GATAD2B: variants seen among roughly 807,000 people sequenced by gnomAD.
GATAD2B encodes transcriptional repressor p66-beta.
Under a neutral mutation model 64.3 loss-of-function variants are expected in GATAD2B, and 8 were observed. The observed-to-expected ratio is 0.12, with a 90% CI of 0.07 to 0.22. GATAD2B has a LOEUF of 0.22. Among genes scored for constraint, GATAD2B ranks in the 10% least tolerant of loss-of-function variants. The pLI, the probability that GATAD2B is intolerant of heterozygous loss-of-function variation, is 1.00. For synonymous variants in GATAD2B, 281 were observed against 271.3 expected (o/e 1.04, Z -0.35); for missense variants, 453 against 752.0 (o/e 0.60, Z 4.65).
At chr1:153,861,687 C>T (rs1209899396) in intron 1 of GATAD2B, among the ~76,000 whole-genome samples, 1 of 147,042 alleles carries the variant, frequency 6.8e-6, no homozygotes, top group South Asian at 2.1e-4. Context: ...GAGGTCGAGG[C>T]AGAAGAATCA....
chr1:153,858,135 A>G (rs1291375176), intron 1 of GATAD2B, among the ~76,000 whole-genome samples: 1 of 152,164 alleles, frequency 6.6e-6, no homozygotes, highest in Non-Finnish European at 1.5e-5. Flanking sequence ...CCCCCTTCCT[A>G]TAAGGTTGTT....
At chr1:153,863,758 G>A (rs1052102557) in intron 1 of GATAD2B, among the ~76,000 whole-genome samples, 18 of 151,766 alleles carry the variant, frequency 1.2e-4, no homozygotes, top group African/African-American at 4.4e-4. Context: ...TGAGTAGCTG[G>A]GACTACAGGC....
At chr1:153,819,072 G>T in intron 3 of GATAD2B, 150 bp from the exon 4 acceptor site, 1 of 740,536 alleles carries the variant, frequency 1.4e-6, no homozygotes, top group Non-Finnish European at 2.2e-6. Flanking sequence ...ACTGGAGTCT[G>T]GCACAGTGCC....
At chr1:153,881,954 C>A (rs995132490) in intron 1 of GATAD2B, among the ~76,000 whole-genome samples, 1 of 152,048 alleles carries the variant, frequency 6.6e-6, no homozygotes, top group Admixed American at 6.6e-5. Context: ...CAAGCGGGCA[C>A]TGCCCTGCCA....
chr1:153,903,833 A>C (rs1677849437), intron 1 of GATAD2B, among the ~76,000 whole-genome samples: 1 of 152,040 alleles, frequency 6.6e-6, no homozygotes, highest in Non-Finnish European at 1.5e-5. Context: ...AAATACAAAA[A>C]ATTAGCTAGG....
chr1:153,894,857 G>A (rs114860818), intron 1 of GATAD2B, among the ~76,000 whole-genome samples: 244 of 150,420 alleles, frequency 1.6e-3, no homozygotes, highest in Non-Finnish European at 2.8e-3. Context: ...TCGAGACTAC[G>A]TCTCAAAAAA....
rs372713020 is a variant in GATAD2B at position 153,853,418 on chromosome 1, T to C, written c.-1-25070A>G. On this transcript the variant is annotated intron_variant, in intron 1 of 10. Coordinates refer to ENST00000368655, the MANE Select transcript of GATAD2B (RefSeq NM_020699.4). ...TCAACTGCAACAGATGCCATTTTTC[T>C]TCCTGGAGAAATAAATCAACGGACG... 7.5e-4 allele frequency: 485 copies of C among 642,532 alleles called. 2 individuals are homozygous for C. Among genetic ancestry groups the C allele is most frequent in the South Asian group, 2.0e-3 (108 of 54,648 alleles). The allele number at this position is 642,532 out of a possible 1,614,324, so 39.8% of individuals were successfully genotyped here. A position where few individuals can be genotyped will look rare whatever the true frequency, so the allele number is the denominator to read the frequency against.
chr1:153,861,491 A>G (rs1482643847), intron 1 of GATAD2B, among the ~76,000 whole-genome samples: 1 of 151,722 alleles, frequency 6.6e-6, no homozygotes, highest in African/African-American at 2.4e-5. Flanking sequence ...ATTAAGTTAT[A>G]TATTTAAAAA....
At chr1:153,825,672 C>T (rs530598819) in intron 2 of GATAD2B, among the ~76,000 whole-genome samples, 16 of 152,244 alleles carry the variant, frequency 1.1e-4, no homozygotes, top group African/African-American at 2.9e-4. Context: ...GTGATCCACC[C>T]GCCTCGGCCT....
chr1:153,845,226 C>CA (rs1411173280), intron 1 of GATAD2B, among the ~76,000 whole-genome samples: 2 of 151,950 alleles, frequency 1.3e-5, no homozygotes, highest in African/African-American at 4.8e-5. Flanking sequence ...GAAAAAAACT[C>CA]AGAAATACAC....
At chr1:153,840,026 CTTTTTTTTTTTT>C (rs779722872) in intron 1 of GATAD2B, among the ~76,000 whole-genome samples, 3 of 97,828 alleles carry the variant, frequency 3.1e-5, no homozygotes, top group Middle Eastern at 7.6e-3. Context: ...AAAATACTTT[CTTTTTTTTTTTT>C]TTTTTTTTTT....
At chr1:153,864,347 A>C (rs1191924017) in intron 1 of GATAD2B, among the ~76,000 whole-genome samples, 1 of 152,230 alleles carries the variant, frequency 6.6e-6, no homozygotes, top group Non-Finnish European at 1.5e-5. Flanking sequence ...AACAGTATTT[A>C]GGTTCACATG....
At chr1:153,922,216 C>T (rs1252117220) in intron 1 of GATAD2B, among the ~76,000 whole-genome samples, 1 of 151,634 alleles carries the variant, frequency 6.6e-6, no homozygotes, top group African/African-American at 2.4e-5. Flanking sequence ...TTCGTCCCAT[C>T]CGCCCGCAAA....
rs370563644 is a variant in GATAD2B, at chr1:153,851,864, G to C, written c.-1-23516C>G. Among the ~76,000 whole-genome samples the C allele has an allele frequency of 3.3e-5, 5 of 152,108 alleles. No homozygotes were observed. The South Asian group carries it at 6.2e-4, about 19-fold the overall frequency. On this transcript the variant is annotated intron_variant, in intron 1 of 10. Transcript: ENST00000368655. The stretch of plus-strand genomic sequence containing the variant: ...GAACATAAGTGCACTTGAATTTTTT[G>C]TGAGTTCTGGCTAGGCTCTAACAAG...
intron 1 of GATAD2B, among the ~76,000 whole-genome samples, chr1:153,830,332 G>C (rs1675029805): frequency 6.6e-6 from 1 of 151,724 alleles, no homozygotes; most frequent in Non-Finnish European, 1.5e-5. Flanking sequence ...ATTTTTAGTA[G>C]AGACAGGGTT....
At chr1:153,838,618 G>A (rs1044327401) in intron 1 of GATAD2B, among the ~76,000 whole-genome samples, 10 of 151,926 alleles carry the variant, frequency 6.6e-5, no homozygotes, top group South Asian at 4.1e-4. Context: ...CTCATGCCTC[G>A]GCCTCCTGAG....
At chr1:153,872,984 T>TA (rs1220742587) in intron 1 of GATAD2B, among the ~76,000 whole-genome samples, 1 of 148,018 alleles carries the variant, frequency 6.8e-6, no homozygotes, top group East Asian at 1.9e-4. Context: ...TTTTTTTTTT[T>TA]ACTGCAAATT....
At chr1:153,922,598 C>T (rs1426509637) in intron 1 of GATAD2B, 135 bp downstream of exon 1, 1 of 146,898 alleles carries the variant, frequency 6.8e-6, no homozygotes, top group Non-Finnish European at 1.5e-5. Flanking sequence ...GGGCGCTTCC[C>T]CTCCCCCCGC....
chr1:153,835,472 CAAA>C (rs111567499), intron 1 of GATAD2B, among the ~76,000 whole-genome samples: 1 of 133,512 alleles, frequency 7.5e-6, no homozygotes. Flanking sequence ...CCTGTAATCT[CAAA>C]AAAAAAAAAA....
Sources: allele counts gnomAD v4.1 joint callset (sites outside exome capture counted in the v4.1 genomes callset), GRCh38; gene constraint gnomAD v4.1.1; transcripts MANE v1.5; gene names NCBI Gene and HGNC (gene_info 2026-07-23, HGNC 2026-07-21).